PCDH15: variants seen among roughly 807,000 people sequenced by gnomAD.
The protein encoded by PCDH15 is protocadherin-15.
In PCDH15, 129 loss-of-function variants were observed where a neutral mutation model predicts 178.5. The ratio of observed to expected loss-of-function variants is 0.72; its 90% CI spans 0.63 to 0.84. PCDH15 has a LOEUF of 0.84. PCDH15 is among the 40% of genes least tolerant of loss of function. The probability of loss-of-function intolerance (pLI) is 0.00; values close to 1 mark genes in which losing one functional copy is unlikely to be tolerated. For missense variants in PCDH15, 2,230 were observed against 2,099.9 expected (o/e 1.06, Z -1.21); for synonymous variants, 800 against 732.0 (o/e 1.09, Z -1.50).
chr10:54,543,396 C>G (rs1312623215), intron 2 of PCDH15, among the ~76,000 whole-genome samples: 1 of 152,160 alleles, frequency 6.6e-6, no homozygotes, highest in Non-Finnish European at 1.5e-5. Context: ...TCCCTAGACA[C>G]TGGGGTCAGA....
intron 2 of PCDH15, among the ~76,000 whole-genome samples, chr10:55,417,413 T>TA (rs1292414647): frequency 2.0e-5 from 3 of 151,650 alleles, no homozygotes; most frequent in Admixed American, 2.0e-4. Flanking sequence ...ATCTAAATTA[T>TA]AAAAAAGGAA....
rs182698090 is a variant in PCDH15, at chr10:54,170,302, T to C, written c.1590+13142A>G. 7.3e-3 allele frequency among the ~76,000 whole-genome samples: 1,117 copies of C among 152,212 alleles called. 9 individuals are homozygous for C. The highest frequency in any genetic ancestry group is 0.025 in the African/African-American group (1,020 of 41,508). On this transcript the variant is annotated intron_variant, in intron 13 of 37. Transcript: ENST00000644397. ...TCCTTTCTTTCCTAGGCATGGTTAGTGTGGTCAGAATTCTTACACAAGAGC... is the reference window on the plus strand; with the variant it reads ...TCCTTTCTTTCCTAGGCATGGTTAGCGTGGTCAGAATTCTTACACAAGAGC...
intron 21 of PCDH15, among the ~76,000 whole-genome samples, chr10:53,992,149 G>C (rs1589805314): frequency 6.6e-6 from 1 of 152,012 alleles, no homozygotes; most frequent in East Asian, 1.9e-4. Context: ...CGGGAGGAAG[G>C]AACAACTCCA....
intron 26 of PCDH15, among the ~76,000 whole-genome samples, chr10:53,872,250 T>G (rs1259605165): frequency 1.3e-5 from 2 of 152,160 alleles, no homozygotes; most frequent in African/African-American, 4.8e-5. Context: ...CATTCATCAG[T>G]CTTTGAACGA....
chr10:54,207,402 G>T (rs944084856), intron 10 of PCDH15, among the ~76,000 whole-genome samples: 2 of 127,424 alleles, frequency 1.6e-5, no homozygotes, highest in African/African-American at 2.9e-5. Flanking sequence ...GTGTGTGTGT[G>T]TGTGTGTTTT....
intron 2 of PCDH15, among the ~76,000 whole-genome samples, chr10:54,545,831 T>C (rs972095787): frequency 7.2e-5 from 11 of 152,226 alleles, no homozygotes; most frequent in Non-Finnish European, 1.6e-4. Flanking sequence ...CTTCTTGTAT[T>C]TTTCTTTTTG....
intron 3 of PCDH15, among the ~76,000 whole-genome samples, chr10:54,834,448 G>T (rs1953279552): frequency 6.6e-6 from 1 of 151,900 alleles, no homozygotes; most frequent in African/African-American, 2.4e-5. Context: ...CAAAGTGCTG[G>T]GTTATAGATG....
At chr10:54,911,446 C>G (rs879393082) in intron 2 of PCDH15, among the ~76,000 whole-genome samples, 6 of 152,064 alleles carry the variant, frequency 3.9e-5, no homozygotes, top group Admixed American at 1.3e-4. Context: ...AGACATAAGA[C>G]AATAAACTAT....
In PCDH15 at chr10:55,334,276, GTGTGTGTGTA is replaced by G. The variant is rs1341354538; in HGVS notation, c.-155-167635_-155-167626del. On this transcript the variant is annotated intron_variant, in intron 2 of 5. Transcript: ENST00000613346. ...TGTGTGTGTGTGTGTGTGTGTGTGT[GTGTGTGTGTA>G]TGTGTATATATCTATATATATATAT... Among the ~76,000 whole-genome samples the G allele has an allele frequency of 1.9e-3, 255 of 131,956 alleles. 14 individuals carry two copies. The highest frequency in any genetic ancestry group is 7.6e-3 in the African/African-American group (232 of 30,374). The allele number at this position is 131,956 out of a possible 152,430, so 86.6% of individuals were successfully genotyped here.
Position 53,806,287 on chromosome 10 carries a change from T to C in PCDH15, c.*292A>G, listed in dbSNP as rs1841150649. The C allele has an allele frequency of 1.1e-5, 3 of 269,540 alleles. No homozygotes were observed. Among genetic ancestry groups the C allele is most frequent in the African/African-American group, 6.7e-5 (3 of 45,098 alleles). The allele number at this position is 269,540 out of a possible 1,614,324, so 16.7% of individuals were successfully genotyped here. On this transcript the variant is annotated 3_prime_UTR_variant, in exon 38 of 38. Transcript: ENST00000644397. ...TAAAATATAAATGATTATTTAGTAA[T>C]TATTTCTTGTTTATTAAAATGAACA... is the stretch of plus-strand genomic sequence containing the variant.
intron 21 of PCDH15, among the ~76,000 whole-genome samples, chr10:53,971,893 C>T (rs538419319): frequency 1.9e-3 from 287 of 152,182 alleles, no homozygotes; most frequent in African/African-American, 6.6e-3. Flanking sequence ...AATGCCATCC[C>T]CATCAAGCTA....
chr10:54,752,512 ACAAACAAAC>A (rs1435837360), intron 1 of PCDH15, among the ~76,000 whole-genome samples: 20 of 85,216 alleles, frequency 2.3e-4, no homozygotes, highest in Non-Finnish European at 4.1e-4. Context: ...AAAACAAAAA[ACAAACAAAC>A]AAACAAACAA....
intron 11 of PCDH15, among the ~76,000 whole-genome samples, chr10:54,194,834 T>A (rs886265595): frequency 5.3e-5 from 8 of 152,162 alleles, no homozygotes; most frequent in Non-Finnish European, 1.0e-4. Context: ...GGAATTAGAA[T>A]ACCTCTGGGG....
intron 13 of PCDH15, among the ~76,000 whole-genome samples, chr10:54,166,872 C>T (rs1192608874): frequency 6.6e-6 from 1 of 152,160 alleles, no homozygotes; most frequent in Non-Finnish European, 1.5e-5. Context: ...TTGTGAAAGT[C>T]CTTTTCCTCG....
chr10:54,855,507 A>C (rs2131773773), intron 3 of PCDH15, among the ~76,000 whole-genome samples: 1 of 152,302 alleles, frequency 6.6e-6, no homozygotes, highest in South Asian at 2.1e-4. Flanking sequence ...TGCATCAAAA[A>C]TATTTTCTCC....
At chr10:54,066,677 T>G in intron 18 of PCDH15, 80 bp downstream of exon 18, 1 of 1,443,338 alleles carries the variant, frequency 6.9e-7, no homozygotes, top group Non-Finnish European at 9.7e-7. Flanking sequence ...ATTAGCTGAG[T>G]TTCTTTTGAG....
intron 2 of PCDH15, among the ~76,000 whole-genome samples, chr10:54,655,205 G>A (rs546078745): frequency 1.2e-3 from 168 of 138,588 alleles, no homozygotes; most frequent in Non-Finnish European, 2.0e-3. Context: ...GCGAGACTCC[G>A]TCAAAAAAAA....
chr10:54,826,524 T>C (rs921808589), intron 3 of PCDH15, among the ~76,000 whole-genome samples: 4 of 100,482 alleles, frequency 4.0e-5, no homozygotes, highest in African/African-American at 1.5e-4. Context: ...TACATACATA[T>C]ATATGTATGT....
intron 29 of PCDH15, among the ~76,000 whole-genome samples, chr10:53,835,782 A>G (rs1564573143): frequency 6.6e-6 from 1 of 152,120 alleles, no homozygotes; most frequent in African/African-American, 2.4e-5. Flanking sequence ...AAACAGCTAA[A>G]ATTGTAATAA....
Sources: gnomAD v4.1 joint callset for allele counts (sites outside exome capture counted in the v4.1 genomes callset) on GRCh38, gnomAD v4.1.1 for gene constraint, MANE v1.5 for transcripts, NCBI Gene and HGNC (gene_info 2026-07-23, HGNC 2026-07-21) for gene names.